ZKSCAN2: variants seen among roughly 807,000 people sequenced by gnomAD.
The protein encoded by ZKSCAN2 is zinc finger protein with KRAB and SCAN domains 2.
In ZKSCAN2, 38 loss-of-function variants were observed where a neutral mutation model predicts 90.5. That is an observed-to-expected ratio of 0.42 (90% CI 0.32 to 0.55). The LOEUF (loss-of-function observed/expected upper bound fraction) is 0.55, where lower values mean the gene tolerates loss of function less well. Among genes scored for constraint, ZKSCAN2 ranks in the 20% least tolerant of loss-of-function variants. The pLI, the probability that ZKSCAN2 is intolerant of heterozygous loss-of-function variation, is 0.11. For synonymous variants in ZKSCAN2, 429 were observed against 421.6 expected, an observed-to-expected ratio of 1.02 and a Z score of -0.22; for missense variants, 1,167 against 1,202.6, an observed-to-expected ratio of 0.97 and a Z score of 0.44.
chr16:25,241,153 C>T (rs924014608), intron 6 of ZKSCAN2, among the ~76,000 whole-genome samples: 1 of 152,214 alleles, frequency 6.6e-6, no homozygotes, highest in Admixed American at 6.5e-5. Flanking sequence ...AATTCCTCTA[C>T]ATATCTAATC....
At chr16:25,248,148 G>A (rs1293124803) in intron 4 of ZKSCAN2, among the ~76,000 whole-genome samples, 1 of 151,960 alleles carries the variant, frequency 6.6e-6, no homozygotes, top group Non-Finnish European at 1.5e-5. Flanking sequence ...AAATCTCCTA[G>A]AAGAAAACAC....
At chr16:25,241,586 C>T (rs7186694) in intron 6 of ZKSCAN2, among the ~76,000 whole-genome samples, 2,929 of 152,300 alleles carry the variant, frequency 0.019, 109 homozygotes, top group African/African-American at 0.066. Context: ...CCACATACTC[C>T]CTGCTCCCTC....
intron 2 of ZKSCAN2, among the ~76,000 whole-genome samples, chr16:25,254,674 C>T (rs1381146521): frequency 6.6e-6 from 1 of 152,162 alleles, no homozygotes; most frequent in Non-Finnish European, 1.5e-5. Context: ...AGAGATCCGC[C>T]TGCCTCGGCC....
intron 5 of ZKSCAN2, among the ~76,000 whole-genome samples, chr16:25,245,732 T>C (rs1406137093): frequency 1.4e-5 from 2 of 147,852 alleles, no homozygotes; most frequent in Non-Finnish European, 3.0e-5. Context: ...ATTGCGCCAC[T>C]GCACTCCAGC....
In ZKSCAN2 at chr16:25,240,114, G is replaced by C; in HGVS notation, c.2606C>G (p.Thr869Ser). Residue 869 changes from threonine (T) to serine (S), a missense_variant, in exon 7 of 7, where the codon ACC becomes AGC. Transcript: ENST00000328086. ...YQCGECGKSF[T>S]NSSHFSAHRR... ...GTGGGCGCTGAAATGAGAACTGTTG[G>C]TGAAACTTTTCCCACACTCTCCACA... 6.2e-7 allele frequency: 1 copy of C among 1,613,730 alleles called. No individual in the cohort carries two copies. The highest frequency in any genetic ancestry group is 8.5e-7 in the Non-Finnish European group (1 of 1,179,972).
At position 25,253,534 on chromosome 16, in the gene ZKSCAN2, T is replaced by TAGGGG. The variant is rs557712294; in HGVS notation, c.587-498_587-497insCCCCT. On this transcript the variant is annotated intron_variant, in intron 2 of 6. Coordinates refer to ENST00000328086, the MANE Select transcript of ZKSCAN2 (RefSeq NM_001012981.5). ...ATAAATTTGGGGAGGCATAAAACAG[T>TAGGGG]ATAGTAGTACTGAATCTTGCCTCTC... Among the ~76,000 whole-genome samples the TAGGGG allele has an allele frequency of 3.5e-3, 538 of 152,172 alleles. 4 individuals are homozygous for TAGGGG. The highest frequency in any genetic ancestry group is 0.012 in the African/African-American group (497 of 41,490).
At chr16:25,253,918 GA>G (rs778546724) in intron 2 of ZKSCAN2, among the ~76,000 whole-genome samples, 1 of 152,340 alleles carries the variant, frequency 6.6e-6, no homozygotes, top group Non-Finnish European at 1.5e-5. Context: ...TGAGGCACGA[GA>G]ATTGCTGGAA....
intron 3 of ZKSCAN2, among the ~76,000 whole-genome samples, chr16:25,252,574 GGCACAGAAAGCATT>G (rs1052307172): frequency 6.6e-6 from 1 of 152,026 alleles, no homozygotes; most frequent in African/African-American, 2.4e-5. Context: ...GGACAGTGAA[GGCACAGAAAGCATT>G]GCGCCTAAAC....
chr16:25,240,292 T>C lies in ZKSCAN2; in HGVS notation c.2428A>G (p.Lys810Glu). 6.2e-7 allele frequency: 1 copy of C among 1,614,162 alleles called. No homozygotes were observed. The highest frequency in any genetic ancestry group is 8.5e-7 in the Non-Finnish European group (1 of 1,180,030). ...EKPFKCLDCG[K>E]SFNDSSNFGA... ...AAATTTGAGGAGTCATTAAAGCTTTTTCCACAGTCAAGACATTTAAAAGGT... is the reference window on the plus strand; with the variant it reads ...AAATTTGAGGAGTCATTAAAGCTTTCTCCACAGTCAAGACATTTAAAAGGT... The change falls in exon 7 of 7, where the codon AAA becomes GAA. Residue 810 changes from lysine (K) to glutamate (E), a missense_variant. Lys to Glu is a moderately conservative substitution (Grantham distance 56, BLOSUM62 1). Transcript: ENST00000328086.
chr16:25,236,541 C>T lies in ZKSCAN2; in HGVS notation c.*3275G>A, dbSNP rs1962770322. ...AGAGCAACTTAGCAGTTAAGTTCAA[C>T]TTCTCTTCAGATGAGGAGCCGAGGC... On this transcript the variant is annotated 3_prime_UTR_variant, in exon 7 of 7. Coordinates refer to ENST00000328086, the MANE Select transcript of ZKSCAN2 (RefSeq NM_001012981.5). 6.6e-6 allele frequency: 1 copy of T among 152,236 alleles called. No homozygotes were observed. Among genetic ancestry groups the T allele is most frequent in the South Asian group, 2.1e-4 (1 of 4,836 alleles). The allele number at this position is 152,236 out of a possible 1,614,324, so 9.4% of individuals were successfully genotyped here.
chr16:25,253,160 G>T, intron 2 of ZKSCAN2, 123 bp from the exon 3 acceptor site: 1 of 797,268 alleles, frequency 1.3e-6, no homozygotes, highest in South Asian at 1.5e-5. Flanking sequence ...CATTTTATCT[G>T]TGAGTTCAGA....
chr16:25,256,635 C>T (rs2141373185), intron 1 of ZKSCAN2, 94 bp downstream of exon 1: 3 of 1,404,246 alleles, frequency 2.1e-6, no homozygotes, highest in East Asian at 2.3e-5. Context: ...TTATCTTTCT[C>T]TGAAGAGCAC....
In ZKSCAN2 at chr16:25,240,307, A is replaced by T; in HGVS notation, c.2413T>A (p.Cys805Ser). ...TTAAAGCTTTTTCCACAGTCAAGAC[A>T]TTTAAAAGGTTTTTCGCCTGTGTGG... Reference protein sequence around the residue: ...RIHTGEKPFKCLDCGKSFNDS... With the variant: ...RIHTGEKPFKSLDCGKSFNDS... Residue 805 changes from cysteine (C) to serine (S), a missense_variant, in exon 7 of 7, where the codon TGT (cysteine) becomes AGT (serine). Coordinates refer to ENST00000328086, the MANE Select transcript of ZKSCAN2 (RefSeq NM_001012981.5). The T allele has an allele frequency of 6.2e-7, 1 of 1,614,084 alleles. No homozygotes were observed. Among genetic ancestry groups the T allele is most frequent in the Non-Finnish European group, 8.5e-7 (1 of 1,180,024 alleles).
intron 4 of ZKSCAN2, among the ~76,000 whole-genome samples, chr16:25,250,642 G>A (rs1274074372): frequency 1.3e-5 from 2 of 152,070 alleles, no homozygotes; most frequent in African/African-American, 4.8e-5. Flanking sequence ...AACTATGTAA[G>A]GTGATGGATG....
At position 25,239,783 on chromosome 16, in the gene ZKSCAN2, G is replaced by C. The variant is rs1962818265; in HGVS notation, c.*33C>G. On this transcript the variant is annotated 3_prime_UTR_variant, in exon 7 of 7. Coordinates refer to ENST00000328086, the MANE Select transcript of ZKSCAN2 (RefSeq NM_001012981.5). ...CCAAGAATGAGATTAGGGTAAAATGGCTAAGGGGGCATTTAGGAAGAGAAG... is the reference window on the plus strand; with the variant it reads ...CCAAGAATGAGATTAGGGTAAAATGCCTAAGGGGGCATTTAGGAAGAGAAG... 6.5e-7 allele frequency: 1 copy of C among 1,527,946 alleles called. No individual in the cohort carries two copies. Among genetic ancestry groups the C allele is most frequent in the East Asian group, 2.3e-5 (1 of 44,258 alleles). 94.6% of individuals were successfully genotyped at this position (1,527,946 alleles called of 1,614,324 possible). A position where few individuals can be genotyped will look rare whatever the true frequency, so the allele number is the denominator to read the frequency against.
In ZKSCAN2 at chr16:25,246,801, TTCC is replaced by T. The variant is rs1421845191; in HGVS notation, c.1392_1394del (p.Glu465del). On this transcript the variant is annotated inframe_deletion, in exon 5 of 7. Coordinates refer to ENST00000328086, the MANE Select transcript of ZKSCAN2 (RefSeq NM_001012981.5). ...CATCATCATCAGAATCTTCTGCAGC[TTCC>T]TCCTCCTCCACCAAGCTGATGTGTT... 1 of 1,614,196 alleles carries T rather than the reference TTCC, an allele frequency of 6.2e-7. No homozygotes were observed. The highest frequency in any genetic ancestry group is 8.5e-7 in the Non-Finnish European group (1 of 1,180,030).
chr16:25,243,022 G>A (rs1459933944), intron 6 of ZKSCAN2, among the ~76,000 whole-genome samples: 1 of 152,256 alleles, frequency 6.6e-6, no homozygotes, highest in Non-Finnish European at 1.5e-5. Flanking sequence ...GCCCACGAGG[G>A]CGTAAGTCAG....
chr16:25,257,417 G>C lies in ZKSCAN2; in HGVS notation c.-290C>G. 1.8e-6 allele frequency: 2 copies of C among 1,121,224 alleles called. No homozygotes were observed. The highest frequency in any genetic ancestry group is 8.5e-5 in the South Asian group (2 of 23,400). The allele number at this position is 1,121,224 out of a possible 1,614,324, so 69.5% of individuals were successfully genotyped here. A position where few individuals can be genotyped will look rare whatever the true frequency, so the allele number is the denominator to read the frequency against. On this transcript the variant is annotated 5_prime_UTR_variant, in exon 1 of 7. Transcript: ENST00000328086. ...CTCTTAGTGCAAAGTCGGAAACCGG[G>C]AGGCTGGACGACTGGGAGAAAAATG...
Position 25,239,803 on chromosome 16 carries a change from GAGA to G in ZKSCAN2, c.*10_*12del, listed in dbSNP as rs1555489213. The G allele has an allele frequency of 6.4e-7, 1 of 1,558,440 alleles. No homozygotes were observed. The highest frequency in any genetic ancestry group is 8.7e-7 in the Non-Finnish European group (1 of 1,154,116). On this transcript the variant is annotated 3_prime_UTR_variant, in exon 7 of 7. Transcript: ENST00000328086. ...AAATGGCTAAGGGGGCATTTAGGAA[GAGA>G]AGATCATCATCAAAAAGTTTTCCTA... is the stretch of plus-strand genomic sequence containing the variant.
Sources: allele counts gnomAD v4.1 joint callset (sites outside exome capture counted in the v4.1 genomes callset), GRCh38; gene constraint gnomAD v4.1.1; transcripts MANE v1.5; gene names NCBI Gene and HGNC (gene_info 2026-07-23, HGNC 2026-07-21).